Variants in PCDH15 observed in about 807,000 individuals in gnomAD.
PCDH15 encodes protocadherin-15.
PCDH15 carries 129 observed loss-of-function variants against 178.5 expected under a neutral mutation model. That is an observed-to-expected ratio of 0.72 (90% confidence interval 0.63 to 0.84). PCDH15 has a LOEUF of 0.84. Ranked by LOEUF, PCDH15 falls within the 40% of genes least tolerant of loss-of-function variation. PCDH15 has a pLI of 0.00. For synonymous variants in PCDH15, 800 were observed against 732.0 expected, an observed-to-expected ratio of 1.09 and a Z score of -1.50; for missense variants, 2,230 against 2,099.9, an observed-to-expected ratio of 1.06 and a Z score of -1.21.
intron 3 of PCDH15, among the ~76,000 whole-genome samples, chr10:54,407,075 A>T (rs1204466947): frequency 3.3e-5 from 5 of 152,192 alleles, no homozygotes; most frequent in Non-Finnish European, 7.3e-5. Context: ...CTTGAAAGAA[A>T]CTTCCTGAAG....
At chr10:55,222,730 C>CACACACACACACACATATAT in intron 1 of PCDH15, among the ~76,000 whole-genome samples, 15 of 121,270 alleles carry the variant, frequency 1.2e-4, no homozygotes, top group Admixed American at 2.4e-4. Flanking sequence ...CACACACACA[C>CACACACACACACACATATAT]ATATATATAT....
chr10:53,848,106 T>G (rs187341182), intron 28 of PCDH15, among the ~76,000 whole-genome samples: 1 of 152,050 alleles, frequency 6.6e-6, no homozygotes, highest in East Asian at 1.9e-4. Flanking sequence ...AAAAGAATAA[T>G]AAATAGGATT....
intron 1 of PCDH15, among the ~76,000 whole-genome samples, chr10:55,175,377 C>T (rs1054809987): frequency 2.0e-5 from 3 of 151,822 alleles, no homozygotes; most frequent in Admixed American, 6.6e-5. Context: ...TCAGGCAGAA[C>T]CTGATATTAG....
At chr10:54,090,362 G>T (rs183362202) in intron 15 of PCDH15, among the ~76,000 whole-genome samples, 35 of 152,204 alleles carry the variant, frequency 2.3e-4, no homozygotes, top group Middle Eastern at 6.8e-3. Flanking sequence ...AAAGCTGCTG[G>T]CTGGGCACAG....
chr10:54,607,783 A>G, intron 2 of PCDH15: 1 of 485,260 alleles, frequency 2.1e-6, no homozygotes, highest in Admixed American at 2.4e-5. Flanking sequence ...ACTGTCTACT[A>G]CAAAGAATTT....
Position 53,806,377 on chromosome 10 carries a change from C to A in PCDH15, c.*202G>T. 2 of 526,206 alleles carry A rather than the reference C, an allele frequency of 3.8e-6. No individual in the cohort carries two copies. Among genetic ancestry groups the A allele is most frequent in the South Asian group, 3.2e-5 (1 of 31,164 alleles). 32.6% of individuals were successfully genotyped at this position (526,206 alleles called of 1,614,324 possible). On this transcript the variant is annotated 3_prime_UTR_variant, in exon 38 of 38. Transcript: ENST00000644397. ...ATAGGTTATTTAGTGAAAGTATGTC[C>A]AAAAGGATTTTCTGGGAAAAACGAT...
At chr10:55,164,985 C>T (rs1410745516) in intron 2 of PCDH15, among the ~76,000 whole-genome samples, 2 of 152,008 alleles carry the variant, frequency 1.3e-5, no homozygotes, top group Non-Finnish European at 2.9e-5. Flanking sequence ...ATTTATCTAT[C>T]CGTCATCTAT....
chr10:54,900,760 C>T (rs551382407), intron 2 of PCDH15, among the ~76,000 whole-genome samples: 1 of 152,184 alleles, frequency 6.6e-6, no homozygotes, highest in African/African-American at 2.4e-5. Flanking sequence ...GGAAATTAAC[C>T]TTCAGCGACC....
At chr10:54,255,099 C>A (rs2056794941) in intron 8 of PCDH15, among the ~76,000 whole-genome samples, 1 of 152,222 alleles carries the variant, frequency 6.6e-6, no homozygotes, top group African/African-American at 2.4e-5. Flanking sequence ...TAACACCTTA[C>A]AAGAGCTGTA....
chr10:54,986,962 G>A (rs1010064697), intron 2 of PCDH15, among the ~76,000 whole-genome samples: 21 of 152,038 alleles, frequency 1.4e-4, no homozygotes, highest in Admixed American at 1.2e-3. Context: ...AGATATACGT[G>A]TGCTATGGTG....
intron 1 of PCDH15, among the ~76,000 whole-genome samples, chr10:54,724,558 A>G (rs66516459): frequency 0.12 from 18,469 of 151,578 alleles, 1,253 homozygotes; most frequent in African/African-American, 0.17. Context: ...AGAAATTAAT[A>G]TTAGCTGTAG....
intron 21 of PCDH15, among the ~76,000 whole-genome samples, chr10:53,968,742 G>A (rs1246650254): frequency 6.6e-6 from 1 of 152,160 alleles, no homozygotes; most frequent in African/African-American, 2.4e-5. Flanking sequence ...GGCAAACACG[G>A]TCTGGAGTGG....
chr10:55,322,234 C>T (rs1364263191), upstream of PCDH15, among the ~76,000 whole-genome samples: 1 of 152,170 alleles, frequency 6.6e-6, no homozygotes, highest in East Asian at 1.9e-4. Context: ...GGTGCCTTTG[C>T]TTTTCTTTTG....
chr10:54,070,990 A>C lies in PCDH15; in HGVS notation c.2092-4105T>G, dbSNP rs78760996. On this transcript the variant is annotated intron_variant, in intron 17 of 37. Transcript: ENST00000644397. The stretch of plus-strand genomic sequence containing the variant: ...GAAAGTAGTGTAAATTCATCTATCA[A>C]TACACAATGCATTATTTGAAATTCG... Among the ~76,000 whole-genome samples the C allele has an allele frequency of 8.8e-3, 1,344 of 152,254 alleles. 27 individuals carry two copies. The highest frequency in any genetic ancestry group is 0.03 in the African/African-American group (1,253 of 41,546).
chr10:54,017,146 C>T (rs1362264546), intron 20 of PCDH15, among the ~76,000 whole-genome samples: 1 of 152,118 alleles, frequency 6.6e-6, no homozygotes, highest in Non-Finnish European at 1.5e-5. Context: ...GCCTCAGCCT[C>T]CTGAGTAGCT....
At chr10:54,260,508 G>A (rs1029859374) in intron 8 of PCDH15, among the ~76,000 whole-genome samples, 18 of 151,894 alleles carry the variant, frequency 1.2e-4, no homozygotes, top group Admixed American at 7.9e-4. Flanking sequence ...TCATTTTAAT[G>A]ATTTATATAG....
chr10:54,680,582 G>A (rs894912417), intron 1 of PCDH15, among the ~76,000 whole-genome samples: 1 of 152,108 alleles, frequency 6.6e-6, no homozygotes, highest in Admixed American at 6.6e-5. Context: ...ACCTTGAATT[G>A]TAATAATCCC....
intron 2 of PCDH15, among the ~76,000 whole-genome samples, chr10:55,537,547 TG>T (rs1564441279): frequency 1.6e-5 from 2 of 124,382 alleles, no homozygotes; most frequent in African/African-American, 5.6e-5. Context: ...GCAATTCTCC[TG>T]CCTCAGCCTC....
At chr10:55,450,988 A>G in intron 2 of PCDH15, among the ~76,000 whole-genome samples, 1 of 95,820 alleles carries the variant, frequency 1.0e-5, no homozygotes, top group African/African-American at 4.7e-5. Context: ...TATATATAGT[A>G]TGATCCTGAC....
Sources: gnomAD v4.1 joint callset for allele counts (sites outside exome capture counted in the v4.1 genomes callset) on GRCh38, gnomAD v4.1.1 for gene constraint, MANE v1.5 for transcripts, NCBI Gene and HGNC (gene_info 2026-07-23, HGNC 2026-07-21) for gene names.